The following FRMD3 variants were observed in gnomAD, a reference collection of about 807,000 sequenced individuals.
FRMD3 encodes the protein FERM domain containing 3.
A neutral mutation model predicts 70.2 loss-of-function variants in FRMD3; 33 were observed. The observed-to-expected ratio is 0.47, with a 90% CI of 0.36 to 0.63. FRMD3 has a LOEUF of 0.63. Ranked by LOEUF, FRMD3 falls within the 20% of genes least tolerant of loss-of-function variation. The probability of loss-of-function intolerance (pLI) is 0.00; values close to 1 mark genes in which losing one functional copy is unlikely to be tolerated. For synonymous variants in FRMD3, 279 were observed against 255.9 expected (o/e 1.09, Z -0.86); for missense variants, 632 against 711.4 (o/e 0.89, Z 1.27).
chr9:83,525,911 A>T (rs77633233), intron 1 of FRMD3, among the ~76,000 whole-genome samples: 8,318 of 152,278 alleles, frequency 0.055, 314 homozygotes, highest in Non-Finnish European at 0.074. Flanking sequence ...ACAAAAAAGG[A>T]AGACCTGTCA....
At chr9:83,338,271 A>G (rs1218266558) in intron 5 of FRMD3, among the ~76,000 whole-genome samples, 1 of 152,224 alleles carries the variant, frequency 6.6e-6, no homozygotes, top group African/African-American at 2.4e-5. Context: ...AAACAAAAAT[A>G]CTTGTGCACT....
At chr9:83,482,649 A>C (rs35580298) in intron 1 of FRMD3, among the ~76,000 whole-genome samples, 71,066 of 152,054 alleles carry the variant, frequency 0.47, 17,451 homozygotes, top group Non-Finnish European at 0.55. Flanking sequence ...ATAGAATAGG[A>C]AAATTCCTGA....
intron 1 of FRMD3, among the ~76,000 whole-genome samples, chr9:83,437,335 G>A (rs1010769697): frequency 1.3e-5 from 2 of 152,132 alleles, no homozygotes; most frequent in East Asian, 3.8e-4. Context: ...TTTTATCTCA[G>A]CATTGTTTAG....
upstream of FRMD3, among the ~76,000 whole-genome samples, chr9:83,539,341 G>A (rs1438880598): frequency 6.6e-6 from 1 of 152,216 alleles, no homozygotes; most frequent in Admixed American, 6.5e-5. Flanking sequence ...AGGTACCGTA[G>A]GCCCGAGAGT....
intron 1 of FRMD3, among the ~76,000 whole-genome samples, chr9:83,486,936 A>G (rs1205037796): frequency 6.6e-6 from 1 of 152,230 alleles, no homozygotes; most frequent in African/African-American, 2.4e-5. Context: ...CTGCATTAAC[A>G]GTGACATCTG....
At chr9:83,279,462 C>T (rs1356532051) in intron 13 of FRMD3, 2 of 152,046 alleles carry the variant, frequency 1.3e-5, no homozygotes, top group Admixed American at 1.3e-4. Context: ...TGGGTATATG[C>T]CCAAAGGAAT....
At chr9:83,447,009 T>A (rs1587861082) in intron 1 of FRMD3, among the ~76,000 whole-genome samples, 1 of 150,384 alleles carries the variant, frequency 6.6e-6, no homozygotes, top group Admixed American at 6.6e-5. Context: ...TTTTGTTTTG[T>A]TTTGTTTTGT....
At chr9:83,528,082 G>A (rs1315093536) in intron 1 of FRMD3, among the ~76,000 whole-genome samples, 1 of 152,168 alleles carries the variant, frequency 6.6e-6, no homozygotes, top group East Asian at 1.9e-4. Context: ...TGACTAATGG[G>A]CCTGATTCAA....
At chr9:83,580,616 G>C in the FRMD3 span, among the ~76,000 whole-genome samples, 2 of 152,064 alleles carry the variant, frequency 1.3e-5, no homozygotes, top group Non-Finnish European at 2.9e-5. Flanking sequence ...TGGGAGTATG[G>C]GGATCAAGAG....
intron 1 of FRMD3, chr9:83,467,488 C>T (rs188708722): frequency 3.3e-5 from 24 of 722,410 alleles, no homozygotes; most frequent in Admixed American, 4.2e-5. Flanking sequence ...GAGACCCTCC[C>T]GAATTTCACA....
chr9:83,298,809 C>A lies in FRMD3; in HGVS notation c.1009G>T (p.Val337Phe). The change falls in exon 12 of 14, where the codon GTT becomes TTT. Residue 337 changes from valine to phenylalanine, a missense_variant. Val to Phe is a conservative substitution (Grantham distance 50). This residue lies in a region of FRMD3 where 418 missense variants were observed against 442.1 expected (regional missense o/e 0.95). Transcript: ENST00000304195. ...CTGGCCTCCACCACCTCTTTGGCAA[C>A]TTTCCCACTGCAAAAGACAGAAACA... ...KGSRFRYSGK[V>F]AKEVVEASSK... 1 of 1,614,168 alleles carries A rather than the reference C, an allele frequency of 6.2e-7. No individual in the cohort carries two copies. The highest frequency in any genetic ancestry group is 8.5e-7 in the Non-Finnish European group (1 of 1,179,988).
chr9:83,349,416 T>C (rs1824070579), intron 4 of FRMD3, among the ~76,000 whole-genome samples: 1 of 152,174 alleles, frequency 6.6e-6, no homozygotes, highest in Non-Finnish European at 1.5e-5. Flanking sequence ...AGCACCCCAC[T>C]GTCAGATGTT....
intron 1 of FRMD3, among the ~76,000 whole-genome samples, chr9:83,424,854 T>A (rs980568072): frequency 2.6e-5 from 4 of 152,230 alleles, no homozygotes; most frequent in African/African-American, 9.6e-5. Context: ...CAGGTGTGAA[T>A]ACCAACTCTC....
In FRMD3 at chr9:83,309,637, T is replaced by C. The variant is rs960665828; in HGVS notation, c.838-13A>G. 6 of 1,543,344 alleles carry C rather than the reference T, an allele frequency of 3.9e-6. No individual in the cohort carries two copies. The African/African-American group carries it at 7.0e-5, about 18-fold the overall frequency. On this transcript the variant is annotated splice_polypyrimidine_tract_variant and intron_variant, in intron 9 of 13. Transcript: ENST00000304195. ...ACATGGCTTTTTTCTAATTAAAAAA[T>C]AACAAAACAAGAAAAGGCACGTAAA...
At chr9:83,272,304 C>T (rs1292671695) in intron 13 of FRMD3, among the ~76,000 whole-genome samples, 1 of 151,814 alleles carries the variant, frequency 6.6e-6, no homozygotes, top group Non-Finnish European at 1.5e-5. Flanking sequence ...GACGGGGTTT[C>T]GCTGTGTTGG....
chr9:83,464,050 T>C (rs1417360568), intron 1 of FRMD3, among the ~76,000 whole-genome samples: 1 of 152,176 alleles, frequency 6.6e-6, no homozygotes, highest in Non-Finnish European at 1.5e-5. Context: ...CAACTCTAAC[T>C]GTACACACCC....
At chr9:83,259,381 G>A (rs962314801) in intron 13 of FRMD3, among the ~76,000 whole-genome samples, 8 of 152,108 alleles carry the variant, frequency 5.3e-5, no homozygotes, top group African/African-American at 9.7e-5. Flanking sequence ...ATCATCATCA[G>A]GGATGCTAAG....
chr9:83,265,177 G>A (rs1453113444), intron 13 of FRMD3, among the ~76,000 whole-genome samples: 3 of 152,112 alleles, frequency 2.0e-5, no homozygotes, highest in Non-Finnish European at 4.4e-5. Context: ...AAGACGGGCG[G>A]ATCACGAGGT....
chr9:83,466,912 A>G (rs1828142237), intron 1 of FRMD3, among the ~76,000 whole-genome samples: 1 of 152,186 alleles, frequency 6.6e-6, no homozygotes, highest in Non-Finnish European at 1.5e-5. Flanking sequence ...ACACCCAAAA[A>G]GATGCTGGTT....
Sources: gnomAD v4.1 joint callset for allele counts (sites outside exome capture counted in the v4.1 genomes callset) on GRCh38, gnomAD v4.1.1 for gene constraint, gnomAD v4.1.1 regional missense constraint, MANE v1.5 for transcripts, NCBI Gene and HGNC (gene_info 2026-07-23, HGNC 2026-07-21) for gene names.